CADPS: variants seen among roughly 807,000 people sequenced by gnomAD.
CADPS encodes calcium-dependent secretion activator 1.
A neutral mutation model predicts 167.3 loss-of-function variants in CADPS; 57 were observed. The ratio of observed to expected loss-of-function variants is 0.34; its 90% confidence interval spans 0.28 to 0.42. The LOEUF (loss-of-function observed/expected upper bound fraction) is 0.42, where lower values mean the gene tolerates loss of function less well. Among genes scored for constraint, CADPS ranks in the 20% least tolerant of loss-of-function variants. The pLI is 1.00. For missense variants in CADPS, 1,414 were observed against 1,738.1 expected, an observed-to-expected ratio of 0.81 and a Z score of 3.32; for synonymous variants, 676 against 635.3, an observed-to-expected ratio of 1.06 and a Z score of -0.96.
intron 3 of CADPS, among the ~76,000 whole-genome samples, chr3:62,706,380 C>A (rs1252194324): frequency 6.6e-6 from 1 of 152,066 alleles, no homozygotes; most frequent in East Asian, 1.9e-4. Flanking sequence ...TTAATTTGAT[C>A]ACGGACTTTG....
Position 62,753,453 on chromosome 3 carries a change from G to T in CADPS, c.876C>A (p.Tyr292Ter). ...AGAAACACCTTACCTGGCAGGCATT[G>T]TAAAGGAGCTGATGTTCGAACTTCT... Reference protein sequence around the residue: ...GIKKFEHQLLYNACQLDNPDE... With the variant: ...GIKKFEHQLL Residue 292 changes from tyrosine (Y) to a stop codon, truncating the protein, a stop_gained, in exon 3 of 30, where the codon TAC becomes TAA. Transcript: ENST00000383710. LOFTEE classifies it high-confidence loss of function. This position sits in a 1 kb window ranked among gnomAD's most constrained non-coding sequence, Gnocchi z 4.6. 6.2e-7 allele frequency: 1 copy of T among 1,610,354 alleles called. No individual in the cohort carries two copies. Among genetic ancestry groups the T allele is most frequent in the Non-Finnish European group, 8.5e-7 (1 of 1,177,250 alleles).
intron 1 of CADPS, among the ~76,000 whole-genome samples, chr3:62,869,420 G>A (rs1393015520): frequency 1.3e-5 from 2 of 152,068 alleles, no homozygotes; most frequent in African/African-American, 4.8e-5. Context: ...TTGCCTAACA[G>A]TGACTCTTTT....
intron 1 of CADPS, among the ~76,000 whole-genome samples, chr3:62,834,038 A>T (rs1022922514): frequency 6.6e-6 from 1 of 152,168 alleles, no homozygotes; most frequent in South Asian, 2.1e-4. Context: ...TGTTTTGCAC[A>T]TTTGTATTTT....
intron 28 of CADPS, among the ~76,000 whole-genome samples, chr3:62,424,986 G>T (rs1376308029): frequency 1.3e-5 from 2 of 152,160 alleles, no homozygotes; most frequent in Non-Finnish European, 2.9e-5. Flanking sequence ...GCTCTCAGAG[G>T]TGGGGATGAA....
At chr3:62,546,220 G>T (rs2076425543) in intron 11 of CADPS, among the ~76,000 whole-genome samples, 1 of 151,696 alleles carries the variant, frequency 6.6e-6, no homozygotes, top group African/African-American at 2.4e-5. Context: ...TCAGTGTATA[G>T]ATTGGCAACC....
rs185962401 is a variant in CADPS, at chr3:62,738,494, C to T, written c.888+14947G>A. 6.4e-4 allele frequency among the ~76,000 whole-genome samples: 98 copies of T among 152,116 alleles called. No homozygotes were observed. The South Asian group carries it at 0.011, about 16-fold the overall frequency. On this transcript the variant is annotated intron_variant, in intron 3 of 29. Coordinates refer to ENST00000383710, the MANE Select transcript of CADPS (RefSeq NM_003716.4). The stretch of plus-strand genomic sequence containing the variant: ...ATCCCAGCACTTTGGGAGGCCGAGG[C>T]AGGTGGATCATCTGAGGTCAGGAGA...
At position 62,557,530 on chromosome 3, in the gene CADPS, G is replaced by C; in HGVS notation, c.1645-17C>G. 6.3e-7 allele frequency: 1 copy of C among 1,593,070 alleles called. No individual in the cohort carries two copies. Among genetic ancestry groups the C allele is most frequent in the Non-Finnish European group, 8.6e-7 (1 of 1,160,896 alleles). On this transcript the variant is annotated splice_polypyrimidine_tract_variant and intron_variant, in intron 9 of 29. Transcript: ENST00000383710. ...CTGACTGACCTGTTAAGGAAAAGCA[G>C]ATTGTGAGGTTGACCCCTGGAGCCT...
At chr3:62,529,025 G>T (rs965720496) in intron 13 of CADPS, among the ~76,000 whole-genome samples, 4 of 152,048 alleles carry the variant, frequency 2.6e-5, no homozygotes, top group Non-Finnish European at 5.9e-5. Context: ...GCGGGGCGTG[G>T]TGGCAGTCAC....
chr3:62,756,209 T>A (rs953151032), intron 2 of CADPS, among the ~76,000 whole-genome samples: 1 of 151,980 alleles, frequency 6.6e-6, no homozygotes, highest in Non-Finnish European at 1.5e-5. Context: ...TCTGCCACCA[T>A]CCCCAGCTAA....
intron 1 of CADPS, among the ~76,000 whole-genome samples, chr3:62,861,711 C>T (rs1045760444): frequency 3.3e-5 from 5 of 152,198 alleles, no homozygotes; most frequent in Admixed American, 3.3e-4. Flanking sequence ...AGCAGTTCTC[C>T]ATTGCCTACA....
At chr3:62,702,576 G>C (rs1166766024) in intron 3 of CADPS, among the ~76,000 whole-genome samples, 2 of 152,094 alleles carry the variant, frequency 1.3e-5, no homozygotes, top group East Asian at 3.9e-4. Context: ...GATAGTACCG[G>C]GTCACTGACT....
At chr3:62,669,564 T>C (rs1173896127) in intron 3 of CADPS, among the ~76,000 whole-genome samples, 1 of 152,178 alleles carries the variant, frequency 6.6e-6, no homozygotes, top group African/African-American at 2.4e-5. Flanking sequence ...CCACCTTAAA[T>C]GTAGAGCCTG....
At chr3:62,726,724 C>G (rs957029749) in intron 3 of CADPS, among the ~76,000 whole-genome samples, 2 of 151,904 alleles carry the variant, frequency 1.3e-5, no homozygotes, top group Non-Finnish European at 2.9e-5. Flanking sequence ...AGCAAAAACA[C>G]TATTTACCAA....
chr3:62,651,274 A>G (rs2070059731), intron 4 of CADPS, among the ~76,000 whole-genome samples, 194 bp from the exon 5 acceptor site: 1 of 152,212 alleles, frequency 6.6e-6, no homozygotes, highest in Non-Finnish European at 1.5e-5. Context: ...TTATTTATAC[A>G]TTGTAACAGG....
intron 1 of CADPS, among the ~76,000 whole-genome samples, chr3:62,821,222 G>A (rs1306463894): frequency 6.6e-6 from 1 of 151,946 alleles, no homozygotes; most frequent in African/African-American, 2.4e-5. Context: ...CAAATTTAGG[G>A]GCTTAAAACA....
At chr3:62,466,531 T>A in intron 24 of CADPS, 118 bp from the exon 25 acceptor site, 1 of 710,804 alleles carries the variant, frequency 1.4e-6, no homozygotes, top group South Asian at 1.5e-5. Flanking sequence ...CCCGTTTATT[T>A]CCTTAGTCCC....
intron 4 of CADPS, among the ~76,000 whole-genome samples, chr3:62,653,512 T>C (rs2150265305): frequency 6.6e-6 from 1 of 152,264 alleles, no homozygotes; most frequent in East Asian, 1.9e-4. Context: ...AAGACACTTG[T>C]TATAATTATA....
intron 3 of CADPS, 80 bp from the exon 4 acceptor site, chr3:62,662,474 C>T (rs1014156383): frequency 1.1e-5 from 13 of 1,154,536 alleles, no homozygotes; most frequent in African/African-American, 4.5e-5. Flanking sequence ...TTTTATACCC[C>T]CTTGCACTGT....
At chr3:62,812,694 T>C (rs1246745099) in intron 1 of CADPS, among the ~76,000 whole-genome samples, 1 of 152,212 alleles carries the variant, frequency 6.6e-6, no homozygotes, top group Non-Finnish European at 1.5e-5. Context: ...GCATCCTCTC[T>C]ATCTTCTGAA....
Sources: allele counts gnomAD v4.1 joint callset (sites outside exome capture counted in the v4.1 genomes callset), GRCh38; gene constraint gnomAD v4.1.1; non-coding constraint Gnocchi (gnomAD v3.1); transcripts MANE v1.5; gene names NCBI Gene and HGNC (gene_info 2026-07-23, HGNC 2026-07-21).